The following ADAMTSL1 variants were observed in gnomAD, a reference collection of about 807,000 sequenced individuals.
The protein encoded by ADAMTSL1 is ADAMTS-like protein 1.
ADAMTSL1 carries 126 observed loss-of-function variants against 201.8 expected under a neutral mutation model. The ratio of observed to expected loss-of-function variants is 0.62; its 90% confidence interval spans 0.54 to 0.72. ADAMTSL1 has a LOEUF of 0.72. Among genes scored for constraint, ADAMTSL1 ranks in the 30% least tolerant of loss-of-function variants. The pLI is 0.00. For missense variants in ADAMTSL1, 2,679 were observed against 2,277.8 expected (o/e 1.18, Z -3.59); for synonymous variants, 1,121 against 903.4 (o/e 1.24, Z -4.32).
At chr9:18,424,832 C>T (rs1819132614) in intron 2 of ADAMTSL1, among the ~76,000 whole-genome samples, 1 of 152,112 alleles carries the variant, frequency 6.6e-6, no homozygotes, top group South Asian at 2.1e-4. Flanking sequence ...CTTTCTGACC[C>T]ACTAGGCTCT....
intron 1 of ADAMTSL1, among the ~76,000 whole-genome samples, chr9:18,050,014 A>T (rs1320798948): frequency 6.6e-6 from 1 of 152,360 alleles, no homozygotes; most frequent in African/African-American, 2.4e-5. Flanking sequence ...CACAGGAAGC[A>T]CAACAGATAC....
intron 15 of ADAMTSL1, among the ~76,000 whole-genome samples, chr9:18,724,073 C>G (rs1817718229): frequency 6.6e-6 from 1 of 152,080 alleles, no homozygotes; most frequent in African/African-American, 2.4e-5. Flanking sequence ...AGACCGTGTC[C>G]TTTGGGGTCT....
chr9:18,044,479 T>C (rs1336492422), intron 1 of ADAMTSL1, among the ~76,000 whole-genome samples: 5 of 152,180 alleles, frequency 3.3e-5, no homozygotes. Flanking sequence ...TCATAACTCT[T>C]GGCCTGCGAT....
intron 1 of ADAMTSL1, among the ~76,000 whole-genome samples, chr9:18,061,777 A>G (rs1822465471): frequency 6.6e-6 from 1 of 152,234 alleles, no homozygotes; most frequent in African/African-American, 2.4e-5. Flanking sequence ...TATATTTCAC[A>G]GAGATCAGTT....
chr9:18,814,189 T>G (rs1305033959), intron 20 of ADAMTSL1, among the ~76,000 whole-genome samples: 1 of 152,222 alleles, frequency 6.6e-6, no homozygotes, highest in African/African-American at 2.4e-5. Context: ...ATATATCACA[T>G]TTGTTGATCT....
At chr9:17,972,216 G>T (rs973733433) in intron 1 of ADAMTSL1, among the ~76,000 whole-genome samples, 2 of 144,174 alleles carry the variant, frequency 1.4e-5, no homozygotes, top group Admixed American at 7.0e-5. Flanking sequence ...ACAATGTGCA[G>T]GTTTGTTACC....
At chr9:18,673,189 C>T (rs775798249) in intron 9 of ADAMTSL1, among the ~76,000 whole-genome samples, 3 of 151,864 alleles carry the variant, frequency 2.0e-5, no homozygotes, top group Middle Eastern at 3.2e-3. Flanking sequence ...CTTAAAGTCC[C>T]GAAATTACAT....
chr9:18,861,913 ATTGT>A (rs1481065210), intron 23 of ADAMTSL1, among the ~76,000 whole-genome samples: 2 of 151,726 alleles, frequency 1.3e-5, no homozygotes, highest in African/African-American at 4.8e-5. Flanking sequence ...CTTCCCTCAC[ATTGT>A]TTGTTATTTT....
chr9:18,162,958 A>G (rs1211898725), intron 1 of ADAMTSL1, among the ~76,000 whole-genome samples: 1 of 151,976 alleles, frequency 6.6e-6, no homozygotes, highest in Non-Finnish European at 1.5e-5. Flanking sequence ...TTTACATGTT[A>G]TTTCCTATTT....
At chr9:18,746,233 A>G (rs1192437881) in intron 15 of ADAMTSL1, among the ~76,000 whole-genome samples, 1 of 152,188 alleles carries the variant, frequency 6.6e-6, no homozygotes, top group African/African-American at 2.4e-5. Context: ...ATTTAGAGAT[A>G]AATTGGGAGC....
At chr9:17,931,736 A>G (rs1826799870) in intron 1 of ADAMTSL1, among the ~76,000 whole-genome samples, 1 of 152,150 alleles carries the variant, frequency 6.6e-6, no homozygotes, top group Non-Finnish European at 1.5e-5. Context: ...CTCGTCCAAA[A>G]GCAGATGAGG....
At chr9:18,255,089 T>C (rs953928396) in intron 2 of ADAMTSL1, among the ~76,000 whole-genome samples, 1 of 152,228 alleles carries the variant, frequency 6.6e-6, no homozygotes. Flanking sequence ...CTTGTCTTCA[T>C]TTTTCCTCCT....
In ADAMTSL1 at chr9:18,033,013, T is replaced by C. The variant is rs142878894; in HGVS notation, c.87+126091T>C. ...ATCGTTTACTTGATATTTTGGTTTC[T>C]CTCTGTGGGACAGGCACCTCCCCAC... On this transcript the variant is annotated intron_variant, in intron 1 of 29. Coordinates refer to the ADAMTSL1 transcript ENST00000680146. 2.1e-3 allele frequency among the ~76,000 whole-genome samples: 325 copies of C among 152,308 alleles called. 1 individual carries two copies. Among genetic ancestry groups the C allele is most frequent in the Non-Finnish European group, 3.7e-3 (249 of 68,026 alleles).
At chr9:18,356,725 G>GA (rs1836260522) in intron 2 of ADAMTSL1, among the ~76,000 whole-genome samples, 1 of 151,830 alleles carries the variant, frequency 6.6e-6, no homozygotes, top group Non-Finnish European at 1.5e-5. Context: ...GGATGCAAGG[G>GA]AAAAGCTCCA....
intron 1 of ADAMTSL1, among the ~76,000 whole-genome samples, chr9:17,930,218 G>C (rs1285059491): frequency 1.3e-5 from 2 of 152,118 alleles, no homozygotes; most frequent in African/African-American, 4.8e-5. Context: ...TGGTTTGATG[G>C]AGTCATCCAC....
intron 3 of ADAMTSL1, among the ~76,000 whole-genome samples, chr9:18,570,639 A>G (rs1822237174): frequency 6.6e-6 from 1 of 152,218 alleles, no homozygotes; most frequent in African/African-American, 2.4e-5. Context: ...CCTGTTTTAT[A>G]AGTTTTCTTA....
At chr9:18,640,920 A>T (rs1827397110) in intron 7 of ADAMTSL1, among the ~76,000 whole-genome samples, 1 of 151,828 alleles carries the variant, frequency 6.6e-6, no homozygotes, top group South Asian at 2.1e-4. Flanking sequence ...CGTTTCCTAA[A>T]ATCCCTTTCC....
At chr9:18,272,544 T>C (rs969098971) in intron 2 of ADAMTSL1, among the ~76,000 whole-genome samples, 3 of 152,210 alleles carry the variant, frequency 2.0e-5, no homozygotes, top group East Asian at 1.9e-4. Flanking sequence ...GACATAGGCA[T>C]GGGCAATGAA....
At chr9:18,853,887 C>CTGTGTGTGTGTGTGTGTGTG (rs529993480) in intron 23 of ADAMTSL1, among the ~76,000 whole-genome samples, 13 of 80,902 alleles carry the variant, frequency 1.6e-4, no homozygotes, top group African/African-American at 4.1e-4. Context: ...TGTATTCACT[C>CTGTGTGTGTGTGTGTGTGTG]TCTGTGTGTG....
Sources: allele counts gnomAD v4.1 joint callset (sites outside exome capture counted in the v4.1 genomes callset), GRCh38; gene constraint gnomAD v4.1.1; transcripts MANE v1.5; gene names NCBI Gene and HGNC (gene_info 2026-07-23, HGNC 2026-07-21).